SMOC2: variants seen among roughly 807,000 people sequenced by gnomAD.
The protein encoded by SMOC2 is SPARC related modular calcium binding 2, also known as SPARC-related modular calcium-binding protein 2.
A neutral mutation model predicts 61.4 loss-of-function variants in SMOC2; 39 were observed. The observed-to-expected ratio is 0.64, with a 90% confidence interval of 0.49 to 0.83. The LOEUF is 0.83. SMOC2 is among the 40% of genes least tolerant of loss of function. The pLI is 0.00. For synonymous variants in SMOC2, 247 were observed against 239.9 expected, an observed-to-expected ratio of 1.03 and a Z score of -0.27; for missense variants, 556 against 592.9, an observed-to-expected ratio of 0.94 and a Z score of 0.65.
chr6:168,500,930 A>G (rs1280642166), intron 1 of SMOC2, among the ~76,000 whole-genome samples: 2 of 152,150 alleles, frequency 1.3e-5, no homozygotes, highest in Non-Finnish European at 2.9e-5. Context: ...CCCCCGGAAC[A>G]CTTTTAAGTG....
Position 168,465,376 on chromosome 6 carries a change from G to A in SMOC2, c.84+23922G>A, listed in dbSNP as rs367746446. On this transcript the variant is annotated intron_variant, in intron 1 of 12. Coordinates refer to ENST00000356284, the MANE Select transcript of SMOC2 (RefSeq NM_001166412.2). ...CTTTTGTTTCCTCCAAAATTTCCGG[G>A]CTCTTCATGAAGAGATTTTTCTCGA... is the stretch of plus-strand genomic sequence containing the variant. 7.3e-5 allele frequency among the ~76,000 whole-genome samples: 11 copies of A among 151,704 alleles called. No individual in the cohort carries two copies. The East Asian group carries it at 1.9e-3, about 27-fold the overall frequency.
intron 9 of SMOC2, among the ~76,000 whole-genome samples, chr6:168,617,547 A>T (rs1786125604): frequency 6.6e-6 from 1 of 151,994 alleles, no homozygotes; most frequent in African/African-American, 2.4e-5. Flanking sequence ...GGGGCACTCC[A>T]CTCTTGTCCC....
intron 2 of SMOC2, among the ~76,000 whole-genome samples, chr6:168,521,555 C>T (rs1562568298): frequency 6.6e-6 from 1 of 152,162 alleles, no homozygotes; most frequent in African/African-American, 2.4e-5. Context: ...AAATAAATTG[C>T]TTGCACAATT....
At chr6:168,509,609 C>G (rs542689310) in intron 1 of SMOC2, among the ~76,000 whole-genome samples, 1 of 152,258 alleles carries the variant, frequency 6.6e-6, no homozygotes, top group South Asian at 2.1e-4. Context: ...CATTGCTACT[C>G]AGACTTTAAG....
intron 1 of SMOC2, among the ~76,000 whole-genome samples, chr6:168,500,212 A>G (rs1446404286): frequency 6.7e-6 from 1 of 149,526 alleles, no homozygotes; most frequent in Non-Finnish European, 1.5e-5. Context: ...ACTTGAACCC[A>G]GGAGGCAGAG....
intron 9 of SMOC2, among the ~76,000 whole-genome samples, chr6:168,628,591 A>G (rs1181462883): frequency 6.6e-6 from 1 of 152,242 alleles, no homozygotes; most frequent in Non-Finnish European, 1.5e-5. Flanking sequence ...CGCAGCATGT[A>G]TCCAACATAA....
Position 168,499,236 on chromosome 6 carries a change from C to T in SMOC2, c.85-10679C>T, listed in dbSNP as rs144479035. 4.5e-3 allele frequency among the ~76,000 whole-genome samples: 679 copies of T among 152,360 alleles called. 4 individuals carry two copies. Among genetic ancestry groups the T allele is most frequent in the African/African-American group, 0.016 (648 of 41,574 alleles). ...AGATGAGAGTCCATTGCCCGGGAGA[C>T]GGTGCTGCATGCTGCCGCTGAGAGC... On this transcript the variant is annotated intron_variant, in intron 1 of 12. Transcript: ENST00000356284.
intron 1 of SMOC2, among the ~76,000 whole-genome samples, chr6:168,478,851 C>A (rs1191767699): frequency 6.6e-6 from 1 of 151,738 alleles, no homozygotes; most frequent in Non-Finnish European, 1.5e-5. Flanking sequence ...CCCTGGTTTA[C>A]AGACCCTGTC....
At chr6:168,564,863 G>A (rs956717539) in intron 7 of SMOC2, among the ~76,000 whole-genome samples, 20 of 152,186 alleles carry the variant, frequency 1.3e-4, no homozygotes, top group African/African-American at 4.6e-4. Context: ...GATGCATTCT[G>A]CTGACATAAG....
chr6:168,576,973 A>G (rs1016868492), intron 7 of SMOC2, among the ~76,000 whole-genome samples: 1 of 151,068 alleles, frequency 6.6e-6, no homozygotes, highest in Non-Finnish European at 1.5e-5. Flanking sequence ...AGATTTTCCC[A>G]GAAGGAATCC....
At chr6:168,597,106 C>T (rs1785355317) in intron 7 of SMOC2, among the ~76,000 whole-genome samples, 1 of 152,190 alleles carries the variant, frequency 6.6e-6, no homozygotes, top group Admixed American at 6.5e-5. Flanking sequence ...ATGAGGTTGC[C>T]AGGGGAGAAT....
At chr6:168,491,505 A>G (rs1405762035) in intron 1 of SMOC2, among the ~76,000 whole-genome samples, 1 of 152,196 alleles carries the variant, frequency 6.6e-6, no homozygotes, top group African/African-American at 2.4e-5. Context: ...ATCTTTTAAA[A>G]TAAGTATTTG....
At chr6:168,577,733 C>T (rs1418471924) in intron 7 of SMOC2, among the ~76,000 whole-genome samples, 1 of 152,130 alleles carries the variant, frequency 6.6e-6, no homozygotes, top group Admixed American at 6.6e-5. Context: ...GAGACAGGAC[C>T]CTGCAGTGCT....
chr6:168,511,597 C>G (rs1161028088), intron 2 of SMOC2, among the ~76,000 whole-genome samples: 1 of 152,154 alleles, frequency 6.6e-6, no homozygotes, highest in African/African-American at 2.4e-5. Context: ...GCATCCCTGT[C>G]ATTAAGAAAC....
At chr6:168,517,010 C>A (rs1783154464) in intron 2 of SMOC2, among the ~76,000 whole-genome samples, 1 of 152,192 alleles carries the variant, frequency 6.6e-6, no homozygotes, top group Non-Finnish European at 1.5e-5. Context: ...CGTTGGTGAA[C>A]CCCTGGAGTG....
At chr6:168,498,510 C>G (rs1357224245) in intron 1 of SMOC2, among the ~76,000 whole-genome samples, 1 of 152,234 alleles carries the variant, frequency 6.6e-6, no homozygotes, top group Non-Finnish European at 1.5e-5. Context: ...AAAAACAGAG[C>G]TACTTCTTCA....
chr6:168,615,674 C>T (rs76532027), intron 9 of SMOC2, among the ~76,000 whole-genome samples: 12 of 106,406 alleles, frequency 1.1e-4, no homozygotes, highest in East Asian at 2.9e-4. Flanking sequence ...GGCCTCTTCA[C>T]ACCTACAGCC....
Position 168,585,341 on chromosome 6 carries a change from C to T in SMOC2, c.638-13477C>T, listed in dbSNP as rs562798403. 2.5e-4 allele frequency among the ~76,000 whole-genome samples: 38 copies of T among 152,188 alleles called. No individual in the cohort carries two copies. In the South Asian group the frequency reaches 7.5e-3, roughly 30 times the overall value. ...CTTTGTTCCTGTCTTTTTTTCGATC[C>T]AGTAATGGTTTTGAGCTTCATCCTC... On this transcript the variant is annotated intron_variant, in intron 7 of 12. Transcript: ENST00000356284.
chr6:168,529,384 G>A (rs1783531894), intron 4 of SMOC2, among the ~76,000 whole-genome samples: 1 of 152,180 alleles, frequency 6.6e-6, no homozygotes, highest in African/African-American at 2.4e-5. Flanking sequence ...TTGAGAAGAC[G>A]GTGCTGTCTG....
Sources: gnomAD v4.1 joint callset for allele counts (sites outside exome capture counted in the v4.1 genomes callset) on GRCh38, gnomAD v4.1.1 for gene constraint, MANE v1.5 for transcripts, NCBI Gene and HGNC (gene_info 2026-07-23, HGNC 2026-07-21) for gene names.